MYT1L: variants seen among roughly 807,000 people sequenced by gnomAD.
MYT1L encodes the protein myelin transcription factor 1-like protein.
A neutral mutation model predicts 126.7 loss-of-function variants in MYT1L; 12 were observed. The ratio of observed to expected loss-of-function variants is 0.09; its 90% CI spans 0.06 to 0.15. The LOEUF (loss-of-function observed/expected upper bound fraction) is 0.15. MYT1L is among the 10% of genes least tolerant of loss of function. The pLI is 1.00. For synonymous variants in MYT1L, 541 were observed against 604.2 expected (o/e 0.90, Z 1.53); for missense variants, 979 against 1,585.2 (o/e 0.62, Z 6.49).
chr2:1,919,739 T>C (rs540217787), intron 10 of MYT1L, among the ~76,000 whole-genome samples: 57 of 152,182 alleles, frequency 3.7e-4, no homozygotes, highest in Admixed American at 7.8e-4. Context: ...AATATTATTT[T>C]ATTTTTTGAG....
At chr2:2,203,796 T>C (rs2093188467) in intron 2 of MYT1L, among the ~76,000 whole-genome samples, 1 of 152,182 alleles carries the variant, frequency 6.6e-6, no homozygotes. Context: ...AGAGCCCACA[T>C]TGCCAAGTCA....
chr2:2,173,184 C>T lies in MYT1L; in HGVS notation c.-420-196G>A, dbSNP rs575106732. Among the ~76,000 whole-genome samples the T allele has an allele frequency of 3.3e-5, 5 of 152,266 alleles. No individual in the cohort carries two copies. The South Asian group carries it at 1.0e-3, about 32-fold the overall frequency. On this transcript the variant is annotated intron_variant, in intron 2 of 24. Transcript: ENST00000647738. Reference sequence around the variant, plus strand: ...CTCTAATAATGGCTAACTAGAAGTACTTTTTACACATTTAGTTAATTTACT... The same window carrying T: ...CTCTAATAATGGCTAACTAGAAGTATTTTTTACACATTTAGTTAATTTACT...
intron 3 of MYT1L, among the ~76,000 whole-genome samples, chr2:2,058,029 T>C (rs1284669792): frequency 6.6e-6 from 1 of 152,150 alleles, no homozygotes; most frequent in African/African-American, 2.4e-5. Context: ...CTGGTGTGAG[T>C]GGCTATACCA....
rs369811026 is a variant in MYT1L, at chr2:2,107,710, G to GAAT, written c.-303-53590_-303-53588dup. ...AGGATTGTGCACTAGTTTTCAAAGA[G>GAAT]AATAATGGGCTGTGTTTAATTTGTT... On this transcript the variant is annotated intron_variant, in intron 3 of 24. Coordinates refer to ENST00000647738, the MANE Select transcript of MYT1L (RefSeq NM_001303052.2). Among the ~76,000 whole-genome samples the GAAT allele has an allele frequency of 4.9e-3, 753 of 152,240 alleles. 6 individuals carry two copies. Among genetic ancestry groups the GAAT allele is most frequent in the African/African-American group, 0.018 (727 of 41,542 alleles).
chr2:1,839,704 A>G (rs1017331764), intron 20 of MYT1L, among the ~76,000 whole-genome samples: 1 of 152,228 alleles, frequency 6.6e-6, no homozygotes, highest in Admixed American at 6.5e-5. Context: ...TTTAAAAGAT[A>G]CCACTTTGGG....
chr2:2,241,161 A>C (rs2094432556), intron 2 of MYT1L, among the ~76,000 whole-genome samples: 1 of 152,220 alleles, frequency 6.6e-6, no homozygotes, highest in South Asian at 2.1e-4. Context: ...TTAATAAAGT[A>C]ACAAGCTCAT....
Position 1,793,423 on chromosome 2 carries a change from C to T in MYT1L, c.3277-959G>A, listed in dbSNP as rs752587457. 3.3e-5 allele frequency among the ~76,000 whole-genome samples: 5 copies of T among 152,292 alleles called. No individual in the cohort carries two copies. The highest frequency in any genetic ancestry group is 5.9e-5 in the Non-Finnish European group (4 of 68,012). ...TTCTTCCTGGAAGACCGGGCCGACC[C>T]GCAGAGTCCAGGGCTGGCTTGCCTG... On this transcript the variant is annotated intron_variant, in intron 23 of 24. Coordinates refer to ENST00000647738, the MANE Select transcript of MYT1L (RefSeq NM_001303052.2). This position sits in a 1 kb window ranked among gnomAD's most constrained non-coding sequence, Gnocchi z 4.6.
intron 4 of MYT1L, among the ~76,000 whole-genome samples, chr2:2,004,287 ATGCGTTCTTTCC>A (rs2062843392): frequency 8.1e-6 from 1 of 123,804 alleles, no homozygotes; most frequent in African/African-American, 3.1e-5. Flanking sequence ...TCTTTCCTGC[ATGCGTTCTTTCC>A]TGCATGCGTT....
In MYT1L at chr2:2,289,695, T is replaced by A. The variant is rs552402022; in HGVS notation, c.-520-5192A>T. ...TACCACCCATGGAATAAAAACAGGC[T>A]ATGTGGACTAGAACCAAAATCCTCT... On this transcript the variant is annotated intron_variant, in intron 1 of 24. Coordinates refer to ENST00000647738, the MANE Select transcript of MYT1L (RefSeq NM_001303052.2). 5.9e-5 allele frequency among the ~76,000 whole-genome samples: 9 copies of A among 152,200 alleles called. 1 individual carries two copies. Among genetic ancestry groups the A allele is most frequent in the African/African-American group, 1.9e-4 (8 of 41,454 alleles).
chr2:1,797,284 C>A lies in MYT1L; in HGVS notation c.3276+4412G>T, dbSNP rs116003451. Among the ~76,000 whole-genome samples the A allele has an allele frequency of 2.9e-3, 441 of 152,304 alleles. 1 individual carries two copies. Among genetic ancestry groups the A allele is most frequent in the African/African-American group, 0.01 (427 of 41,582 alleles). On this transcript the variant is annotated intron_variant, in intron 23 of 24. Transcript: ENST00000647738. The stretch of plus-strand genomic sequence containing the variant: ...TTTTTTTTTCTTTTCCCGCCCATGG[C>A]GCGATCTTGGCTCTCTGCAAGCTCC...
chr2:1,861,897 A>C (rs5004855), intron 18 of MYT1L, among the ~76,000 whole-genome samples: 4 of 4,368 alleles, frequency 9.2e-4, no homozygotes, highest in African/African-American at 1.5e-3. Context: ...GGATCCTCCT[A>C]CAGCCTGTGT....
At chr2:2,018,676 C>A (rs1333740601) in intron 4 of MYT1L, among the ~76,000 whole-genome samples, 3 of 152,176 alleles carry the variant, frequency 2.0e-5, no homozygotes, top group Non-Finnish European at 4.4e-5. Context: ...CAGGAAGTAG[C>A]AGGGGATCCA....
rs540091263 is a variant in MYT1L, at chr2:2,158,662, C to T, written c.-304+14210G>A. On this transcript the variant is annotated intron_variant, in intron 3 of 24. Coordinates refer to ENST00000647738, the MANE Select transcript of MYT1L (RefSeq NM_001303052.2). ...ACACACACACACGCGTAGGTGGACA[C>T]GGGTGCACACACTGCACATACAGAT... Among the ~76,000 whole-genome samples, 46 of 150,702 alleles carry T rather than the reference C, an allele frequency of 3.1e-4. 1 individual carries two copies. Among genetic ancestry groups the T allele is most frequent in the Non-Finnish European group, 4.4e-4 (30 of 67,586 alleles).
intron 3 of MYT1L, among the ~76,000 whole-genome samples, chr2:2,068,300 C>T (rs904418494): frequency 2.0e-5 from 3 of 152,040 alleles, no homozygotes; most frequent in South Asian, 2.1e-4. Flanking sequence ...AAGGAGAGTC[C>T]GAGGTTGCAG....
chr2:1,957,231 A>C (rs1474453289), intron 8 of MYT1L, among the ~76,000 whole-genome samples: 1 of 152,220 alleles, frequency 6.6e-6, no homozygotes, highest in Non-Finnish European at 1.5e-5. Flanking sequence ...CTGTCATCTC[A>C]TCTACCATCC....
chr2:2,214,148 A>G lies in MYT1L; in HGVS notation c.-420-41160T>C, dbSNP rs1300845070. Among the ~76,000 whole-genome samples the G allele has an allele frequency of 4.6e-5, 7 of 152,088 alleles. No homozygotes were observed. In the East Asian group the frequency reaches 1.3e-3, roughly 29 times the overall value. On this transcript the variant is annotated intron_variant, in intron 2 of 24. Transcript: ENST00000647738. ...AAATTATCTAAATGAAACAGAGAGA[A>G]AAAAAGAATTATAAATGAACAAAAT...
chr2:2,313,516 G>GTTT (rs137906027), intron 1 of MYT1L, among the ~76,000 whole-genome samples: 7 of 146,326 alleles, frequency 4.8e-5, no homozygotes, highest in African/African-American at 1.5e-4. Flanking sequence ...TAAAATACCT[G>GTTT]TTTTTTTTTT....
intron 5 of MYT1L, among the ~76,000 whole-genome samples, chr2:1,990,487 T>G (rs116658668): frequency 6.6e-6 from 1 of 151,990 alleles, no homozygotes; most frequent in Middle Eastern, 3.4e-3. Context: ...AGCACCAAAA[T>G]AGAAAAACCA....
intron 2 of MYT1L, among the ~76,000 whole-genome samples, chr2:2,261,364 G>A (rs1479692080): frequency 1.3e-5 from 2 of 152,096 alleles, no homozygotes; most frequent in Non-Finnish European, 2.9e-5. Flanking sequence ...CGGAAATGAA[G>A]AAAGAATATT....
Sources: gnomAD v4.1 joint callset for allele counts (sites outside exome capture counted in the v4.1 genomes callset) on GRCh38, gnomAD v4.1.1 for gene constraint, Gnocchi (gnomAD v3.1) non-coding constraint, MANE v1.5 for transcripts, NCBI Gene and HGNC (gene_info 2026-07-23, HGNC 2026-07-21) for gene names.